MGAT4C: variants seen among roughly 807,000 people sequenced by gnomAD.
MGAT4C encodes the protein alpha-1,3-mannosyl-glycoprotein 4-beta-N-acetylglucosaminyltransferase C.
In MGAT4C, 19 loss-of-function variants were observed where a neutral mutation model predicts 40.1. That is an observed-to-expected ratio of 0.47 (90% CI 0.33 to 0.70). The LOEUF (loss-of-function observed/expected upper bound fraction) is 0.70, where lower values mean the gene tolerates loss of function less well. Ranked by LOEUF, MGAT4C falls within the 30% of genes least tolerant of loss-of-function variation. MGAT4C has a pLI of 0.02. For synonymous variants in MGAT4C, 181 were observed against 187.1 expected (o/e 0.97, Z 0.27); for missense variants, 491 against 563.2 (o/e 0.87, Z 1.30).
intron 2 of MGAT4C, among the ~76,000 whole-genome samples, chr12:86,634,074 G>A (rs918007145): frequency 4.6e-5 from 7 of 151,916 alleles, no homozygotes; most frequent in African/African-American, 1.7e-4. Flanking sequence ...AAGATATGAG[G>A]ATATAAAAAT....
intron 1 of MGAT4C, among the ~76,000 whole-genome samples, chr12:86,094,881 G>A (rs1218825737): frequency 1.3e-5 from 2 of 152,066 alleles, no homozygotes; most frequent in African/African-American, 4.8e-5. Context: ...TAGATTAAAG[G>A]ATTACAGAGC....
At chr12:86,353,934 G>C (rs1955241783) in intron 3 of MGAT4C, among the ~76,000 whole-genome samples, 1 of 152,090 alleles carries the variant, frequency 6.6e-6, no homozygotes. Flanking sequence ...TATTTAGAGA[G>C]TACAAGGTAA....
At chr12:86,260,517 C>T (rs1163785214), upstream of MGAT4C, among the ~76,000 whole-genome samples, 1 of 152,002 alleles carries the variant, frequency 6.6e-6, no homozygotes, top group Non-Finnish European at 1.5e-5. Context: ...TGCCAATTTC[C>T]TAATAGAAAG....
chr12:86,358,452 G>T (rs566362735), intron 3 of MGAT4C, among the ~76,000 whole-genome samples: 1 of 152,250 alleles, frequency 6.6e-6, no homozygotes, highest in East Asian at 1.9e-4. Flanking sequence ...ACATCATAAT[G>T]ACAGGATCAA....
At chr12:86,339,460 G>A (rs1954862464) in intron 3 of MGAT4C, among the ~76,000 whole-genome samples, 1 of 152,016 alleles carries the variant, frequency 6.6e-6, no homozygotes, top group Admixed American at 6.6e-5. Context: ...AAGAATATTT[G>A]CCTCCTTAAA....
chr12:86,110,797 T>C (rs902612419), intron 1 of MGAT4C, among the ~76,000 whole-genome samples: 1 of 151,706 alleles, frequency 6.6e-6, no homozygotes, highest in Non-Finnish European at 1.5e-5. Context: ...GTTACATTAC[T>C]ATGGTACTAT....
At chr12:86,425,677 C>T (rs1186557934) in intron 3 of MGAT4C, among the ~76,000 whole-genome samples, 1 of 152,190 alleles carries the variant, frequency 6.6e-6, no homozygotes, top group Admixed American at 6.5e-5. Context: ...TCTCTAATGC[C>T]TTTGACTCCA....
chr12:86,485,809 T>C (rs901633602), intron 2 of MGAT4C, among the ~76,000 whole-genome samples: 10 of 151,836 alleles, frequency 6.6e-5, no homozygotes, highest in African/African-American at 2.4e-4. Context: ...GGAAAATAAA[T>C]CTTAACAGCA....
chr12:86,166,536 G>A (rs192640975), intron 1 of MGAT4C, among the ~76,000 whole-genome samples: 1 of 152,272 alleles, frequency 6.6e-6, no homozygotes, highest in Non-Finnish European at 1.5e-5. Flanking sequence ...GTTGGCTGTG[G>A]TGGCGCAGGC....
At chr12:86,057,077 T>A (rs957798409) in intron 1 of MGAT4C, among the ~76,000 whole-genome samples, 1 of 152,086 alleles carries the variant, frequency 6.6e-6, no homozygotes, top group Non-Finnish European at 1.5e-5. Context: ...TAATTTTATT[T>A]AAAAAAATTT....
chr12:86,423,261 A>C (rs1956863109), intron 3 of MGAT4C, among the ~76,000 whole-genome samples: 1 of 151,876 alleles, frequency 6.6e-6, no homozygotes, highest in South Asian at 2.1e-4. Context: ...GGGTGCATTA[A>C]ATAAAACACT....
At chr12:86,277,538 T>G (rs908092905) in intron 4 of MGAT4C, among the ~76,000 whole-genome samples, 3 of 152,206 alleles carry the variant, frequency 2.0e-5, no homozygotes, top group Non-Finnish European at 2.9e-5. Context: ...GGTTTTAGAT[T>G]TAAGTCTTTA....
rs112923979 is a variant in MGAT4C, at chr12:86,459,603, G to A, written c.-228-24338C>T. ...TAGAAGAGAACCCTAAGTTTCAGAT[G>A]AGAATTATAAATTATTTATGATCCT... On this transcript the variant is annotated intron_variant, in intron 2 of 7. Transcript: ENST00000548651. 3.4e-3 allele frequency among the ~76,000 whole-genome samples: 515 copies of A among 151,976 alleles called. 4 individuals are homozygous for A. The highest frequency in any genetic ancestry group is 0.012 in the African/African-American group (496 of 41,462).
At position 86,463,429 on chromosome 12, in the gene MGAT4C, G is replaced by A; in HGVS notation, c.-228-28164C>T. 2.0e-5 allele frequency among the ~76,000 whole-genome samples: 3 copies of A among 152,016 alleles called. 1 individual carries two copies. The East Asian group carries it at 5.8e-4, about 29-fold the overall frequency. The stretch of plus-strand genomic sequence containing the variant: ...ATTAAATTTTCTATAGTTCTTATAT[G>A]CATCTCAAATTTCCCATTCCTCTAG... On this transcript the variant is annotated intron_variant, in intron 2 of 7. Transcript: ENST00000548651.
At chr12:86,374,660 A>G (rs565701209) in intron 3 of MGAT4C, among the ~76,000 whole-genome samples, 11 of 152,264 alleles carry the variant, frequency 7.2e-5, no homozygotes, top group African/African-American at 2.6e-4. Flanking sequence ...GAGATCAGAA[A>G]TAAGGCATTT....
chr12:86,671,892 T>C (rs983670482), intron 2 of MGAT4C, among the ~76,000 whole-genome samples: 8 of 152,220 alleles, frequency 5.3e-5, no homozygotes, highest in African/African-American at 1.9e-4. Context: ...ACAGATGATG[T>C]AGGCAGAAAA....
chr12:86,540,807 T>C (rs1327554707), intron 2 of MGAT4C, among the ~76,000 whole-genome samples: 5 of 152,196 alleles, frequency 3.3e-5, no homozygotes, highest in Non-Finnish European at 5.9e-5. Context: ...GGAATTCATA[T>C]TTTTAAATTT....
chr12:86,763,520 TC>T (rs1424323113), intron 1 of MGAT4C, among the ~76,000 whole-genome samples: 1 of 152,216 alleles, frequency 6.6e-6, no homozygotes, highest in East Asian at 1.9e-4. Context: ...AAAGCAGAAA[TC>T]ATTTTATACA....
rs527644360 is a variant in MGAT4C, at chr12:86,495,726, G to T, written c.-228-60461C>A. Among the ~76,000 whole-genome samples, 5 of 152,144 alleles carry T rather than the reference G, an allele frequency of 3.3e-5. No individual in the cohort carries two copies. The East Asian group carries it at 9.7e-4, about 29-fold the overall frequency. On this transcript the variant is annotated intron_variant, in intron 2 of 7. Transcript: ENST00000548651. ...ATGCTTACAGTTGTTTGAATAAAGA[G>T]AAATTGACCCTCCATGTCTTAAAAC...
Sources: allele counts gnomAD v4.1 joint callset (sites outside exome capture counted in the v4.1 genomes callset), GRCh38; gene constraint gnomAD v4.1.1; transcripts MANE v1.5; gene names NCBI Gene and HGNC (gene_info 2026-07-23, HGNC 2026-07-21).